Variants in ARK2C observed in about 807,000 individuals in gnomAD.
The protein encoded by ARK2C is E3 ubiquitin-protein ligase ARK2C.
the ARK2C span, among the ~76,000 whole-genome samples, chr18:46,338,862 G>C: frequency 6.6e-6 from 1 of 152,178 alleles, no homozygotes; most frequent in East Asian, 1.9e-4. Flanking sequence ...GCTCCCCTGG[G>C]CTGACTGACT....
the ARK2C span, chr18:46,336,114 C>T: frequency 4.7e-5 from 46 of 985,200 alleles, no homozygotes; most frequent in Non-Finnish European, 5.5e-5. Flanking sequence ...GAAATGCCAC[C>T]CCCTCTCTCA....
the ARK2C span, among the ~76,000 whole-genome samples, chr18:46,343,245 A>G: frequency 2.0e-5 from 3 of 152,198 alleles, no homozygotes; most frequent in Non-Finnish European, 4.4e-5. Context: ...GGCCCAAATA[A>G]GTGGAGTGGA....
At chr18:46,352,610 A>G in the ARK2C span, among the ~76,000 whole-genome samples, 4 of 152,070 alleles carry the variant, frequency 2.6e-5, no homozygotes, top group Non-Finnish European at 2.9e-5. Context: ...CCTTTTCTGC[A>G]TGGTCCAGGA....
At chr18:46,408,396 A>ATGAC in the ARK2C span, among the ~76,000 whole-genome samples, 1 of 152,250 alleles carries the variant, frequency 6.6e-6, no homozygotes, top group Non-Finnish European at 1.5e-5. Flanking sequence ...GACTGGTGTC[A>ATGAC]GCCTGGCACA....
At chr18:46,423,390 G>A in the ARK2C span, among the ~76,000 whole-genome samples, 5 of 152,230 alleles carry the variant, frequency 3.3e-5, no homozygotes, top group Admixed American at 3.3e-4. Context: ...TCCCCATGGA[G>A]GCCAGGAGCT....
At chr18:46,363,335 A>G in the ARK2C span, among the ~76,000 whole-genome samples, 2 of 152,334 alleles carry the variant, frequency 1.3e-5, no homozygotes, top group South Asian at 2.1e-4. Context: ...CCTGCAGAAG[A>G]GACAGCTGTA....
the ARK2C span, among the ~76,000 whole-genome samples, chr18:46,427,310 G>A: frequency 3.4e-4 from 52 of 152,342 alleles, no homozygotes; most frequent in Middle Eastern, 0.014. Flanking sequence ...TTCCCAGTGC[G>A]TCTGCTGGAG....
chr18:46,456,840 T>C, the ARK2C span: 1 of 548,374 alleles, frequency 1.8e-6, no homozygotes. Context: ...ATGGCGACTG[T>C]CCCCATCCGC....
chr18:46,407,651 G>T, the ARK2C span, among the ~76,000 whole-genome samples: 3 of 152,154 alleles, frequency 2.0e-5, no homozygotes, highest in Admixed American at 6.5e-5. Flanking sequence ...CGTGGCTTGC[G>T]TGGGAAAAAT....
the ARK2C span, among the ~76,000 whole-genome samples, chr18:46,432,913 C>T: frequency 1.1e-4 from 16 of 152,172 alleles, no homozygotes; most frequent in African/African-American, 3.6e-4. Context: ...CCACTGCACT[C>T]CAGCCTGGGC....
At chr18:46,353,138 G>A in the ARK2C span, among the ~76,000 whole-genome samples, 1 of 152,238 alleles carries the variant, frequency 6.6e-6, no homozygotes, top group Non-Finnish European at 1.5e-5. Context: ...TGACTAGCTT[G>A]CATTTTCCAT....
At chr18:46,382,682 G>A in the ARK2C span, among the ~76,000 whole-genome samples, 9 of 152,240 alleles carry the variant, frequency 5.9e-5, no homozygotes, top group South Asian at 2.1e-4. Flanking sequence ...CCACAGCCCC[G>A]TGAAGTTAGG....
chr18:46,451,312 G>A, the ARK2C span, among the ~76,000 whole-genome samples: 2 of 152,174 alleles, frequency 1.3e-5, no homozygotes, highest in Non-Finnish European at 2.9e-5. Flanking sequence ...TAAGTCTGTA[G>A]AGGTAGAATC....
At chr18:46,374,133 G>A in the ARK2C span, among the ~76,000 whole-genome samples, 75 of 152,244 alleles carry the variant, frequency 4.9e-4, no homozygotes, top group Admixed American at 1.4e-3. Flanking sequence ...TCTCACACAC[G>A]AGAAGACTGG....
chr18:46,421,515 A>G, the ARK2C span, among the ~76,000 whole-genome samples: 1 of 152,224 alleles, frequency 6.6e-6, no homozygotes, highest in Non-Finnish European at 1.5e-5. Context: ...GCCTTCCACA[A>G]AATGCCTTGT....
chr18:46,362,897 G>C, the ARK2C span, among the ~76,000 whole-genome samples: 1 of 152,282 alleles, frequency 6.6e-6, no homozygotes, highest in East Asian at 1.9e-4. Flanking sequence ...AGTTCTAAAG[G>C]GGAAGAAAAA....
chr18:46,433,134 G>C, the ARK2C span: 6 of 1,401,528 alleles, frequency 4.3e-6, no homozygotes, highest in Non-Finnish European at 5.8e-6. Context: ...ACAAGGGTCA[G>C]TGTGGCGGCC....
the ARK2C span, chr18:46,459,275 C>G: frequency 2.6e-5 from 4 of 152,234 alleles, no homozygotes; most frequent in African/African-American, 9.7e-5. Flanking sequence ...TAGAAACTTC[C>G]CTTTGTCTCT....
At chr18:46,338,543 G>C in the ARK2C span, among the ~76,000 whole-genome samples, 10 of 152,186 alleles carry the variant, frequency 6.6e-5, no homozygotes, top group Admixed American at 6.5e-4. Flanking sequence ...GGTGGGGAAG[G>C]GGGAAGGGGA....
Sources: gnomAD v4.1 joint callset for allele counts (sites outside exome capture counted in the v4.1 genomes callset) on GRCh38, gnomAD v4.1.1 for gene constraint, MANE v1.5 for transcripts, NCBI Gene and HGNC (gene_info 2026-07-23, HGNC 2026-07-21) for gene names.